The following WDPCP variants were observed in gnomAD, a reference collection of about 807,000 sequenced individuals.
The protein encoded by WDPCP is WD repeat containing planar cell polarity effector, also known as WD repeat-containing and planar cell polarity effector protein fritz homolog.
In WDPCP, 71 loss-of-function variants were observed where a neutral mutation model predicts 93.1. The ratio of observed to expected loss-of-function variants is 0.76; its 90% confidence interval spans 0.63 to 0.93. WDPCP has a LOEUF of 0.93. Among genes scored for constraint, WDPCP ranks in the 40% least tolerant of loss-of-function variants. The probability of loss-of-function intolerance (pLI) is 0.00; values close to 1 mark genes in which losing one functional copy is unlikely to be tolerated. For missense variants in WDPCP, 844 were observed against 887.4 expected (o/e 0.95, Z 0.62); for synonymous variants, 315 against 315.0 (o/e 1.00, Z 0.00).
intron 12 of WDPCP, among the ~76,000 whole-genome samples, chr2:63,367,220 AT>A (rs949229924): frequency 5.9e-5 from 9 of 152,110 alleles, no homozygotes; most frequent in African/African-American, 2.2e-4. Flanking sequence ...TTAAAGACCA[AT>A]AAAAAAGTAA....
intron 1 of WDPCP, among the ~76,000 whole-genome samples, chr2:63,507,258 G>GA (rs368717884): frequency 1.1e-4 from 17 of 148,248 alleles, no homozygotes; most frequent in South Asian, 2.1e-4. Context: ...TGCAGAGAAG[G>GA]AAAAAAAAAA....
chr2:63,178,487 G>A (rs1673985806), intron 14 of WDPCP, among the ~76,000 whole-genome samples: 1 of 152,010 alleles, frequency 6.6e-6, no homozygotes, highest in Non-Finnish European at 1.5e-5. Flanking sequence ...CCAGTTTGTT[G>A]GCATATGACT....
At chr2:63,816,467 G>A (rs1373814846) in intron 1 of WDPCP, among the ~76,000 whole-genome samples, 2 of 152,154 alleles carry the variant, frequency 1.3e-5, no homozygotes, top group African/African-American at 2.4e-5. Flanking sequence ...AGAGACAGAA[G>A]ATAAGAAAGA....
At chr2:63,838,425 G>A in the WDPCP span, among the ~76,000 whole-genome samples, 1 of 152,098 alleles carries the variant, frequency 6.6e-6, no homozygotes, top group East Asian at 1.9e-4. Flanking sequence ...GAAATTATAG[G>A]CAGAATTTGT....
chr2:63,530,258 G>A (rs1486204559), intron 1 of WDPCP, among the ~76,000 whole-genome samples: 1 of 152,038 alleles, frequency 6.6e-6, no homozygotes, highest in Non-Finnish European at 1.5e-5. Context: ...GAATGTGTTT[G>A]CTCTTGCTTC....
intron 14 of WDPCP, among the ~76,000 whole-genome samples, chr2:63,235,385 A>C (rs62177792): frequency 0.16 from 23,785 of 152,218 alleles, 2,274 homozygotes; most frequent in Non-Finnish European, 0.22. Context: ...AAGCCCTGGC[A>C]CAGATGGATT....
chr2:63,737,805 C>T (rs1218848145), intron 2 of WDPCP, among the ~76,000 whole-genome samples: 1 of 152,150 alleles, frequency 6.6e-6, no homozygotes, highest in East Asian at 1.9e-4. Context: ...TTTTGTTTTT[C>T]ATTTGAATCT....
At chr2:63,179,061 C>A (rs1363565757) in intron 14 of WDPCP, among the ~76,000 whole-genome samples, 1 of 151,898 alleles carries the variant, frequency 6.6e-6, no homozygotes, top group Admixed American at 6.6e-5. Context: ...ATTACCTAGG[C>A]GTGGTAGCTC....
At chr2:63,588,880 A>G, upstream of WDPCP, 2 of 879,530 alleles carry the variant, frequency 2.3e-6, no homozygotes, top group Non-Finnish European at 3.7e-6. Context: ...TTGCGCCACA[A>G]CCAGGGCAGC....
chr2:63,218,613 T>G (rs1677550908), intron 14 of WDPCP, among the ~76,000 whole-genome samples: 1 of 152,166 alleles, frequency 6.6e-6, no homozygotes, highest in South Asian at 2.1e-4. Flanking sequence ...CATTGCAACC[T>G]CCGCCTCCCG....
intron 14 of WDPCP, among the ~76,000 whole-genome samples, chr2:63,256,369 C>T (rs1681145623): frequency 6.6e-6 from 1 of 152,112 alleles, no homozygotes; most frequent in South Asian, 2.1e-4. Context: ...CAGAAACAGC[C>T]TATATATTAT....
At chr2:63,295,180 A>C (rs560457023) in intron 13 of WDPCP, among the ~76,000 whole-genome samples, 2 of 152,280 alleles carry the variant, frequency 1.3e-5, no homozygotes, top group Non-Finnish European at 2.9e-5. Context: ...GAGAGAAAAA[A>C]ATATTTCACT....
chr2:63,509,838 G>A (rs1453740959), intron 1 of WDPCP, among the ~76,000 whole-genome samples: 1 of 152,106 alleles, frequency 6.6e-6, no homozygotes, highest in Non-Finnish European at 1.5e-5. Context: ...TAGAAGAAAT[G>A]GATAAATTCC....
At chr2:63,213,092 G>A (rs867980779) in intron 14 of WDPCP, among the ~76,000 whole-genome samples, 1 of 152,032 alleles carries the variant, frequency 6.6e-6, no homozygotes, top group Non-Finnish European at 1.5e-5. Flanking sequence ...AAATTATCCA[G>A]GAATTGAACT....
intron 6 of WDPCP, among the ~76,000 whole-genome samples, chr2:63,444,896 C>A (rs1179837251): frequency 6.6e-6 from 1 of 152,168 alleles, no homozygotes; most frequent in African/African-American, 2.4e-5. Context: ...TTCTCATTTG[C>A]TCCTTTTCAT....
At chr2:63,793,552 A>G (rs75598866) in intron 2 of WDPCP, among the ~76,000 whole-genome samples, 1,549 of 152,320 alleles carry the variant, frequency 0.01, 8 homozygotes, top group Non-Finnish European at 0.015. Flanking sequence ...TCAAGATTAT[A>G]GTGAGCTATG....
chr2:63,260,577 G>A (rs1681538565), intron 13 of WDPCP, among the ~76,000 whole-genome samples: 1 of 152,158 alleles, frequency 6.6e-6, no homozygotes, highest in African/African-American at 2.4e-5. Context: ...TTGAGACAGA[G>A]TCTCACTCTG....
At chr2:63,139,108 T>G (rs1670862767) in intron 17 of WDPCP, among the ~76,000 whole-genome samples, 1 of 152,010 alleles carries the variant, frequency 6.6e-6, no homozygotes, top group Non-Finnish European at 1.5e-5. Flanking sequence ...TATATACACA[T>G]AAACACATAT....
chr2:63,383,459 A>G (rs946825242), intron 10 of WDPCP, among the ~76,000 whole-genome samples: 3 of 152,206 alleles, frequency 2.0e-5, no homozygotes, highest in Non-Finnish European at 2.9e-5. Context: ...TCATGCCAGT[A>G]ATCTGAGCAC....
Sources: allele counts gnomAD v4.1 joint callset (sites outside exome capture counted in the v4.1 genomes callset), GRCh38; gene constraint gnomAD v4.1.1; transcripts MANE v1.5; gene names NCBI Gene and HGNC (gene_info 2026-07-23, HGNC 2026-07-21).